COG1: variants seen among roughly 807,000 people sequenced by gnomAD.
COG1 encodes the protein conserved oligomeric Golgi complex subunit 1.
A neutral mutation model predicts 102.2 loss-of-function variants in COG1; 61 were observed. The observed-to-expected ratio is 0.60, with a 90% CI of 0.49 to 0.74. The LOEUF (loss-of-function observed/expected upper bound fraction) is 0.74. Ranked by LOEUF, COG1 falls within the 30% of genes least tolerant of loss-of-function variation. COG1 has a pLI of 0.00. For missense variants in COG1, 1,164 were observed against 1,232.1 expected (o/e 0.94, Z 0.83); for synonymous variants, 454 against 493.6 (o/e 0.92, Z 1.06).
chr17:73,198,180 A>G (rs897719827), intron 4 of COG1, among the ~76,000 whole-genome samples: 1 of 23,460 alleles, frequency 4.3e-5, no homozygotes, highest in African/African-American at 6.1e-5. Context: ...ATAGAGACGG[A>G]GCTAATTGCA....
At chr17:73,193,424 TC>T in intron 1 of COG1, 40 bp downstream of exon 1, 1 of 1,380,680 alleles carries the variant, frequency 7.2e-7, no homozygotes, top group Non-Finnish European at 9.3e-7. Flanking sequence ...CGCAGGCGGG[TC>T]CCGGAGCCCC....
chr17:73,193,081 G>A lies in COG1; in HGVS notation c.12G>A (p.Ala4=), dbSNP rs1275216208. 2 of 1,584,780 alleles carry A rather than the reference G, an allele frequency of 1.3e-6. No homozygotes were observed. The highest frequency in any genetic ancestry group is 1.7e-5 in the Admixed American group (1 of 58,986). MAT[A]ATSPALKRLD... ...CTGACGAGTGCACCATGGCCACCGC[G>A]GCAACCTCACCCGCGCTGAAGCGGC... The change falls in exon 1 of 14, where the codon GCG becomes GCA. Residue 4 remains alanine, a synonymous_variant. Coordinates refer to ENST00000299886, the MANE Select transcript of COG1 (RefSeq NM_018714.3).
Position 73,200,701 on chromosome 17 carries a change from ATGTCGGCGGCTTCTGGAGAAGCCGCTCT to A in COG1, c.1210_1237del (p.Arg404SerfsTer5). ...CCACCAATCACAGCTGGGATGTGCT[ATGTCGGCGGCTTCTGGAGAAGCCGCTCT>A]TGTTCTGGGAAGATATGATGCAGCA... is the stretch of plus-strand genomic sequence containing the variant. On this transcript the variant is annotated frameshift_variant, in exon 6 of 14. Coordinates refer to ENST00000299886, the MANE Select transcript of COG1 (RefSeq NM_018714.3). LOFTEE classifies it high-confidence loss of function. 6.2e-7 allele frequency: 1 copy of A among 1,614,138 alleles called. No individual in the cohort carries two copies. The highest frequency in any genetic ancestry group is 8.5e-7 in the Non-Finnish European group (1 of 1,180,004).
intron 4 of COG1, among the ~76,000 whole-genome samples, chr17:73,199,659 C>T (rs138815206): frequency 0.011 from 1,719 of 152,216 alleles, 34 homozygotes; most frequent in African/African-American, 0.039. Flanking sequence ...ACTGCAGCCT[C>T]GACCTCCTGG....
Position 73,203,036 on chromosome 17 carries a change from G to A in COG1, c.2110G>A (p.Asp704Asn), listed in dbSNP as rs2061353466. Reference sequence around the variant, plus strand: ...TGGATTCACCCAGTCATTACTTCTAGATGATGCTGGCTCAGTTCTGGCCAC... The same window carrying A: ...TGGATTCACCCAGTCATTACTTCTAAATGATGCTGGCTCAGTTCTGGCCAC... ...IHGFTQSLLL[D>N]DAGSVLATAT... The change falls in exon 8 of 14, where the codon GAT becomes AAT. Residue 704 changes from aspartate (D) to asparagine (N), a missense_variant. By Grantham distance (23) the Asp-to-Asn change is conservative. Transcript: ENST00000299886. The A allele has an allele frequency of 6.2e-7, 1 of 1,614,046 alleles. No individual in the cohort carries two copies. The highest frequency in any genetic ancestry group is 1.3e-5 in the African/African-American group (1 of 74,924).
rs763149976 is a variant in COG1 at position 73,206,831 on chromosome 17, A to G, written c.2729+14A>G. The G allele has an allele frequency of 1.9e-6, 3 of 1,597,564 alleles. No homozygotes were observed. In the Admixed American group the frequency reaches 5.0e-5, roughly 27 times the overall value. On this transcript the variant is annotated intron_variant, in intron 12 of 13. Transcript: ENST00000299886. ...CAGTCAGATCAGGTAAAGGCTGCCA[A>G]GAGGCTTCTGCGGGGCACTTCGGGA...
At chr17:73,206,327 C>A in intron 11 of COG1, 65 bp downstream of exon 11, 1 of 1,251,410 alleles carries the variant, frequency 8.0e-7, no homozygotes, top group Non-Finnish European at 1.2e-6. Context: ...ACAAAATTAA[C>A]CTGCTCAAGC....
intron 4 of COG1, among the ~76,000 whole-genome samples, chr17:73,197,699 T>C (rs1195552568): frequency 6.6e-6 from 1 of 152,224 alleles, no homozygotes; most frequent in Non-Finnish European, 1.5e-5. Context: ...GAGAAGCCTT[T>C]AACCTGAAAG....
At position 73,201,571 on chromosome 17, in the gene COG1, G is replaced by A. The variant is rs778769386; in HGVS notation, c.1744G>A (p.Val582Met). The change falls in exon 7 of 14, where the codon GTG becomes ATG. Residue 582 changes from valine to methionine, a missense_variant. By Grantham distance (21) the Val-to-Met change is conservative. Transcript: ENST00000299886. Reference protein sequence around the residue: ...TQSVACIKHIVDCIRAELQSI... With the variant: ...TQSVACIKHIMDCIRAELQSI... Reference sequence around the variant, plus strand: ...GTCCGTGGCATGCATCAAGCACATCGTGGACTGCATCCGGGCAGAGCTACA... The same window carrying A: ...GTCCGTGGCATGCATCAAGCACATCATGGACTGCATCCGGGCAGAGCTACA... 3.0e-5 allele frequency: 48 copies of A among 1,614,218 alleles called. 1 individual carries two copies. Among genetic ancestry groups the A allele is most frequent in the Admixed American group, 2.5e-4 (15 of 60,028 alleles).
rs549811635 is a variant in COG1 at position 73,208,102 on chromosome 17, C to T, written c.2806-212C>T. The T allele has an allele frequency of 9.9e-5, 144 of 1,448,578 alleles. 1 individual carries two copies. Among genetic ancestry groups the T allele is most frequent in the Non-Finnish European group, 1.1e-4 (123 of 1,103,350 alleles). 89.7% of individuals were successfully genotyped at this position (1,448,578 alleles called of 1,614,324 possible). On this transcript the variant is annotated intron_variant, in intron 13 of 13. Transcript: ENST00000299886. ...TCTACCCTTTTCCCAAGACAGTCCT[C>T]ATTTCCAAATTCTAGTTTTGTCACA...
At chr17:73,208,227 T>A in intron 13 of COG1, 87 bp from the exon 14 acceptor site, 7 of 1,605,292 alleles carry the variant, frequency 4.4e-6, no homozygotes, top group Non-Finnish European at 5.9e-6. Flanking sequence ...GTGTGCCGTG[T>A]GGACTCCGAG....
intron 7 of COG1, among the ~76,000 whole-genome samples, 196 bp downstream of exon 7, chr17:73,202,096 G>A (rs2061349453): frequency 6.6e-6 from 1 of 152,150 alleles, no homozygotes. Context: ...CCAGCACTTT[G>A]GGAGGCCAAG....
intron 1 of COG1, among the ~76,000 whole-genome samples, chr17:73,194,879 AAAATTGAAAAGT>A (rs1437145703): frequency 3.9e-5 from 6 of 152,250 alleles, no homozygotes; most frequent in African/African-American, 1.4e-4. Context: ...CATAGAAGAA[AAAATTGAAAAGT>A]ACAGTCTAAC....
chr17:73,199,605 C>T (rs1179543199), intron 4 of COG1, among the ~76,000 whole-genome samples: 2 of 152,128 alleles, frequency 1.3e-5, no homozygotes, highest in African/African-American at 4.8e-5. Context: ...GACAGGGTCT[C>T]ACCTTGTTGC....
At position 73,196,684 on chromosome 17, in the gene COG1, C is replaced by G; in HGVS notation, c.493C>G (p.Arg165Gly). Residue 165 changes from arginine (R) to glycine (G), a missense_variant, in exon 2 of 14, where the codon CGA becomes GGA. By Grantham distance (125) the Arg-to-Gly change is moderately radical. Coordinates refer to ENST00000299886, the MANE Select transcript of COG1 (RefSeq NM_018714.3). ...SLLQLDSSSS[R>G]YSPVLSRFPI... ...GCTCCAGCTGGATTCTTCTAGTTCCCGATACAGTCCCGTCCTCTCCCGGTT... is the reference window on the plus strand; with the variant it reads ...GCTCCAGCTGGATTCTTCTAGTTCCGGATACAGTCCCGTCCTCTCCCGGTT... 2 of 1,614,192 alleles carry G rather than the reference C, an allele frequency of 1.2e-6. No homozygotes were observed. Among genetic ancestry groups the G allele is most frequent in the Non-Finnish European group, 1.7e-6 (2 of 1,180,040 alleles).
chr17:73,203,273 G>A, intron 8 of COG1, 127 bp downstream of exon 8: 6 of 1,219,810 alleles, frequency 4.9e-6, no homozygotes, highest in East Asian at 5.1e-5. Flanking sequence ...ATTTTCTACT[G>A]TGGGGGCATA....
rs147588256 is a variant in COG1, at chr17:73,208,408, C to G, written c.2900C>G (p.Pro967Arg). ...AGTGAAGAAGACAACACGTCTGCAC[C>G]TTCATTATTCAAACTTGGCTGGCTC... is the stretch of plus-strand genomic sequence containing the variant. The part of the protein sequence containing the change: ...LVSEEDNTSA[P>R]SLFKLGWLSS... The change falls in exon 14 of 14, where the codon CCT becomes CGT. Residue 967 changes from proline to arginine, a missense_variant. By Grantham distance (103) the Pro-to-Arg change is moderately radical. Transcript: ENST00000299886. 810 of 1,614,222 alleles carry G rather than the reference C, an allele frequency of 5.0e-4. No individual in the cohort carries two copies. Among genetic ancestry groups the G allele is most frequent in the Non-Finnish European group, 6.2e-4 (729 of 1,180,028 alleles).
At position 73,201,834 on chromosome 17, in the gene COG1, G is replaced by C. The variant is rs1424672905; in HGVS notation, c.2007G>C (p.Glu669Asp). The stretch of plus-strand genomic sequence containing the variant: ...TTCCTACACAGGCCAAGTGGCAAGA[G>C]GTTAAAGAAGTACTCCTCCAGCAGA... ...EIIPTQAKWQ[E>D]VKEVLLQQSV... The change falls in exon 7 of 14, where the codon GAG becomes GAC. Residue 669 changes from glutamate (E) to aspartate (D), a missense_variant. Glu to Asp is a conservative substitution (Grantham distance 45). Coordinates refer to ENST00000299886, the MANE Select transcript of COG1 (RefSeq NM_018714.3). 6 of 1,614,228 alleles carry C rather than the reference G, an allele frequency of 3.7e-6. No individual in the cohort carries two copies. The highest frequency in any genetic ancestry group is 1.7e-5 in the Admixed American group (1 of 60,026).
At chr17:73,195,712 A>C (rs1470841164) in intron 1 of COG1, among the ~76,000 whole-genome samples, 1 of 152,090 alleles carries the variant, frequency 6.6e-6, no homozygotes, top group African/African-American at 2.4e-5. Flanking sequence ...CAGGAGTTTG[A>C]GACCAGCCTG....
Sources: gnomAD v4.1 joint callset for allele counts (sites outside exome capture counted in the v4.1 genomes callset) on GRCh38, gnomAD v4.1.1 for gene constraint, MANE v1.5 for transcripts, NCBI Gene and HGNC (gene_info 2026-07-23, HGNC 2026-07-21) for gene names.